MATN2: variants seen among roughly 807,000 people sequenced by gnomAD.
MATN2 encodes matrilin 2.
In MATN2, 69 loss-of-function variants were observed where a neutral mutation model predicts 103.2. The ratio of observed to expected loss-of-function variants is 0.67; its 90% CI spans 0.55 to 0.82. The LOEUF (loss-of-function observed/expected upper bound fraction) is 0.82. MATN2 is among the 40% of genes least tolerant of loss of function. MATN2 has a pLI of 0.00. For missense variants in MATN2, 1,023 were observed against 1,211.5 expected (o/e 0.84, Z 2.31); for synonymous variants, 429 against 450.2 (o/e 0.95, Z 0.60).
chr8:97,875,694 T>C (rs1818044331), intron 1 of MATN2, among the ~76,000 whole-genome samples: 1 of 128,322 alleles, frequency 7.8e-6, no homozygotes, highest in African/African-American at 2.9e-5. Context: ...TTGCCTGTTT[T>C]TTTTTTTTTT....
In MATN2 at chr8:97,931,208, G is replaced by T; in HGVS notation, c.398G>T (p.Gly133Val). 1 of 1,613,528 alleles carries T rather than the reference G, an allele frequency of 6.2e-7. No homozygotes were observed. Among genetic ancestry groups the T allele is most frequent in the South Asian group, 1.1e-5 (1 of 91,058 alleles). ...AVKRMRHLSTGTMTGLAIQYA... is the reference protein window; with the variant it reads ...AVKRMRHLSTVTMTGLAIQYA... ...AAGAGGATGCGGCATCTGTCCACGG[G>T]CACCATGACTGGGCTGGCCATCCAG... Residue 133 changes from glycine (G) to valine (V), a missense_variant, in exon 3 of 19, where the codon GGC (glycine) becomes GTC (valine). Gly to Val is a moderately radical substitution (Grantham distance 109). Transcript: ENST00000254898. This position sits in a 1 kb window ranked among gnomAD's most constrained non-coding sequence, Gnocchi z 4.1.
intron 13 of MATN2, among the ~76,000 whole-genome samples, chr8:98,023,809 G>A (rs1485011987): frequency 6.6e-6 from 1 of 152,182 alleles, no homozygotes; most frequent in African/African-American, 2.4e-5. Flanking sequence ...ATCAATGATA[G>A]ACTGGATAAA....
intron 15 of MATN2, 85 bp from the exon 16 acceptor site, chr8:98,032,161 G>A (rs1814049932): frequency 1.9e-6 from 2 of 1,033,142 alleles, no homozygotes; most frequent in Non-Finnish European, 2.9e-6. Context: ...GGTAGGTAAG[G>A]AGGTGGTCTG....
chr8:98,027,978 C>A, intron 14 of MATN2, 149 bp downstream of exon 14: 1 of 748,950 alleles, frequency 1.3e-6, no homozygotes, highest in Non-Finnish European at 2.0e-6. Context: ...TACTACCCTG[C>A]CACCTAGAAG....
At chr8:97,929,069 C>T (rs1810091136) in intron 2 of MATN2, among the ~76,000 whole-genome samples, 1 of 152,112 alleles carries the variant, frequency 6.6e-6, no homozygotes, top group African/African-American at 2.4e-5. Context: ...ACCCTGGACT[C>T]ACCCAGCCCT....
intron 1 of MATN2, among the ~76,000 whole-genome samples, chr8:97,884,360 G>A (rs1017419561): frequency 7.2e-5 from 11 of 151,856 alleles, no homozygotes; most frequent in Admixed American, 1.3e-4. Flanking sequence ...GGCTGGCCTT[G>A]AACTCCTGAC....
intron 4 of MATN2, among the ~76,000 whole-genome samples, chr8:97,959,413 G>T (rs1279767342): frequency 6.7e-6 from 1 of 149,050 alleles, no homozygotes; most frequent in Non-Finnish European, 1.5e-5. Context: ...CTTATATCTG[G>T]CCTAGCTCAT....
intron 2 of MATN2, among the ~76,000 whole-genome samples, chr8:97,928,666 C>A (rs997023013): frequency 6.6e-6 from 1 of 152,124 alleles, no homozygotes; most frequent in Non-Finnish European, 1.5e-5. Flanking sequence ...GTAACCCTGC[C>A]CCTACCCAGC....
chr8:97,933,383 G>A (rs188729423), intron 3 of MATN2, among the ~76,000 whole-genome samples: 1 of 152,166 alleles, frequency 6.6e-6, no homozygotes, highest in African/African-American at 2.4e-5. Context: ...AATTGGTTCT[G>A]TAACCATTTT....
chr8:97,917,764 A>C (rs1809680895), intron 2 of MATN2, among the ~76,000 whole-genome samples: 1 of 152,108 alleles, frequency 6.6e-6, no homozygotes, highest in Admixed American at 6.6e-5. Flanking sequence ...ATATATCTTT[A>C]TTGGGTTCAT....
chr8:97,884,553 G>A (rs1428804031), intron 1 of MATN2, among the ~76,000 whole-genome samples: 3 of 152,102 alleles, frequency 2.0e-5, no homozygotes, highest in African/African-American at 7.2e-5. Flanking sequence ...GGGAAGCTGA[G>A]GTGAGTGAGG....
chr8:97,927,197 G>A (rs576307423), intron 2 of MATN2, among the ~76,000 whole-genome samples: 10 of 152,268 alleles, frequency 6.6e-5, no homozygotes, highest in South Asian at 2.1e-4. Context: ...AGGCTGCAGT[G>A]CAATGGCATG....
At chr8:97,870,157 C>T (rs536255752) in intron 1 of MATN2, among the ~76,000 whole-genome samples, 1 of 152,068 alleles carries the variant, frequency 6.6e-6, no homozygotes, top group Non-Finnish European at 1.5e-5. Flanking sequence ...TTGAAGGTAC[C>T]CAAGTATGCC....
intron 3 of MATN2, among the ~76,000 whole-genome samples, chr8:97,937,186 G>A (rs1810400452): frequency 6.6e-6 from 1 of 152,136 alleles, no homozygotes; most frequent in African/African-American, 2.4e-5. Flanking sequence ...ACCAACAGTG[G>A]CCAGGAGTGA....
intron 1 of MATN2, among the ~76,000 whole-genome samples, chr8:97,874,681 C>T (rs972973117): frequency 1.3e-5 from 2 of 151,538 alleles, no homozygotes; most frequent in Admixed American, 6.6e-5. Context: ...TCCCAAAGTG[C>T]TGGGATTACA....
intron 1 of MATN2, among the ~76,000 whole-genome samples, chr8:97,884,437 T>G (rs1818358749): frequency 6.6e-6 from 1 of 152,066 alleles, no homozygotes; most frequent in Non-Finnish European, 1.5e-5. Flanking sequence ...CTGCACCCAG[T>G]CAACAGTGTA....
At chr8:98,001,462 C>CT (rs35005441) in intron 7 of MATN2, among the ~76,000 whole-genome samples, 16,041 of 118,732 alleles carry the variant, frequency 0.14, 1,313 homozygotes, top group East Asian at 0.19. Flanking sequence ...ACACTTTTGT[C>CT]TTTTTTTTTT....
At chr8:97,882,270 C>CT (rs1818282259) in intron 1 of MATN2, among the ~76,000 whole-genome samples, 1 of 151,620 alleles carries the variant, frequency 6.6e-6, no homozygotes, top group South Asian at 2.1e-4. Context: ...ATCATAATTC[C>CT]TTTTTTTAAT....
At position 98,035,815 on chromosome 8, in the gene MATN2, G is replaced by A. The variant is rs944015169; in HGVS notation, c.*103G>A. 7 of 663,444 alleles carry A rather than the reference G, an allele frequency of 1.1e-5. No homozygotes were observed. In the East Asian group the frequency reaches 1.9e-4, roughly 18 times the overall value. The allele number at this position is 663,444 out of a possible 1,614,324, so 41.1% of individuals were successfully genotyped here. The stretch of plus-strand genomic sequence containing the variant: ...GCTATTGTTAAATCAATAATGTTGT[G>A]AAGTAAAACAATCAGTACTGAGAAA... On this transcript the variant is annotated 3_prime_UTR_variant, in exon 19 of 19. Transcript: ENST00000254898.
Sources: gnomAD v4.1 joint callset for allele counts (sites outside exome capture counted in the v4.1 genomes callset) on GRCh38, gnomAD v4.1.1 for gene constraint, Gnocchi (gnomAD v3.1) non-coding constraint, MANE v1.5 for transcripts, NCBI Gene and HGNC (gene_info 2026-07-23, HGNC 2026-07-21) for gene names.